Variants in PKN2 observed in about 807,000 individuals in gnomAD.
The protein encoded by PKN2 is serine/threonine-protein kinase N2.
A neutral mutation model predicts 119.1 loss-of-function variants in PKN2; 38 were observed. That is an observed-to-expected ratio of 0.32 (90% CI 0.25 to 0.42). The LOEUF (loss-of-function observed/expected upper bound fraction) is 0.42. PKN2 is among the 10% of genes least tolerant of loss of function. The pLI is 1.00. For missense variants in PKN2, 850 were observed against 1,165.1 expected (o/e 0.73, Z 3.94); for synonymous variants, 390 against 384.9 (o/e 1.01, Z -0.15).
Position 88,788,213 on chromosome 1 carries a change from G to C in PKN2, c.1281+2000G>C, listed in dbSNP as rs76011112. Among the ~76,000 whole-genome samples, 817 of 152,224 alleles carry C rather than the reference G, an allele frequency of 5.4e-3. 28 individuals carry two copies. The East Asian group carries it at 0.089, about 17-fold the overall frequency. ...TCTAGAAATGATCTAGATCTAGAAT[G>C]ATCTAGAAAAATTCAAATTATGTTC... On this transcript the variant is annotated intron_variant, in intron 8 of 21. Transcript: ENST00000370521.
intron 2 of PKN2, among the ~76,000 whole-genome samples, chr1:88,742,625 AAAT>A (rs1175084913): frequency 2.6e-5 from 4 of 152,150 alleles, no homozygotes; most frequent in Admixed American, 2.6e-4. Flanking sequence ...TTATAAATGG[AAAT>A]AATGTATTAT....
At chr1:88,718,095 A>G (rs1667527724) in intron 1 of PKN2, among the ~76,000 whole-genome samples, 1 of 152,232 alleles carries the variant, frequency 6.6e-6, no homozygotes, top group Admixed American at 6.5e-5. Context: ...GGTCCACTCC[A>G]GACCCTGTTT....
chr1:88,716,154 AAGAC>A (rs1296338304), intron 1 of PKN2, among the ~76,000 whole-genome samples: 2 of 152,070 alleles, frequency 1.3e-5, no homozygotes, highest in African/African-American at 4.8e-5. Flanking sequence ...TGTGGTCTGA[AAGAC>A]AGTTCGTTAT....
intron 2 of PKN2, among the ~76,000 whole-genome samples, chr1:88,744,747 TA>T (rs1668706559): frequency 1.3e-5 from 2 of 152,202 alleles, no homozygotes; most frequent in Admixed American, 1.3e-4. Context: ...TTCACCTCTG[TA>T]ATAATAATCT....
chr1:88,729,988 C>G (rs1389894293), intron 1 of PKN2, among the ~76,000 whole-genome samples: 1 of 152,020 alleles, frequency 6.6e-6, no homozygotes, highest in Non-Finnish European at 1.5e-5. Flanking sequence ...CACAGTGAAA[C>G]CCCGTCTCTA....
intron 1 of PKN2, among the ~76,000 whole-genome samples, chr1:88,731,165 T>C (rs1038333385): frequency 7.2e-5 from 11 of 152,240 alleles, no homozygotes; most frequent in Non-Finnish European, 5.9e-5. Flanking sequence ...TTTTAAACCT[T>C]GTATGATAGG....
chr1:88,821,508 C>G (rs772425389), intron 16 of PKN2, among the ~76,000 whole-genome samples: 17 of 152,206 alleles, frequency 1.1e-4, no homozygotes, highest in Admixed American at 4.6e-4. Context: ...TACTTCGTCC[C>G]CAGATACACC....
intron 16 of PKN2, among the ~76,000 whole-genome samples, chr1:88,816,547 A>G (rs969839363): frequency 2.6e-5 from 4 of 152,188 alleles, no homozygotes; most frequent in African/African-American, 9.6e-5. Context: ...ACACCTGGCC[A>G]TCTTAAGCAA....
intron 1 of PKN2, among the ~76,000 whole-genome samples, chr1:88,710,961 T>C (rs758914440): frequency 2.0e-5 from 3 of 152,182 alleles, no homozygotes; most frequent in Non-Finnish European, 4.4e-5. Flanking sequence ...TGGAATACTA[T>C]GCAGCCATAA....
At chr1:88,721,534 A>G (rs931684392) in intron 1 of PKN2, among the ~76,000 whole-genome samples, 2 of 152,164 alleles carry the variant, frequency 1.3e-5, no homozygotes, top group African/African-American at 4.8e-5. Context: ...AAAAAGTGTG[A>G]GTACAAATAG....
intron 3 of PKN2, among the ~76,000 whole-genome samples, chr1:88,763,408 G>T (rs969838804): frequency 1.3e-5 from 2 of 152,096 alleles, no homozygotes; most frequent in Admixed American, 6.5e-5. Context: ...GGGAGTTAGA[G>T]ACCAGCCTGA....
intron 16 of PKN2, among the ~76,000 whole-genome samples, chr1:88,819,834 A>C (rs886802829): frequency 6.6e-6 from 1 of 152,166 alleles, no homozygotes; most frequent in African/African-American, 2.4e-5. Context: ...AGCCATAAAA[A>C]ATGATGAGTT....
At chr1:88,800,923 A>G (rs1055817439) in intron 8 of PKN2, among the ~76,000 whole-genome samples, 15 of 152,170 alleles carry the variant, frequency 9.9e-5, no homozygotes, top group African/African-American at 3.4e-4. Context: ...GACAGTACCT[A>G]TCTCAACTTG....
At chr1:88,784,866 G>A (rs1670509031) in intron 7 of PKN2, 42 bp downstream of exon 7, 1 of 1,254,918 alleles carries the variant, frequency 8.0e-7, no homozygotes. Flanking sequence ...ACAAACTAAA[G>A]TGCTTATACA....
chr1:88,776,592 T>C (rs1006818565), intron 6 of PKN2, among the ~76,000 whole-genome samples: 1 of 151,768 alleles, frequency 6.6e-6, no homozygotes. Context: ...ATACAGAAAT[T>C]AGCCAGGCAT....
intron 1 of PKN2, among the ~76,000 whole-genome samples, chr1:88,707,035 A>G (rs1016033976): frequency 6.6e-6 from 1 of 150,928 alleles, no homozygotes; most frequent in African/African-American, 2.4e-5. Context: ...TTCAGCTGGG[A>G]GGGTAAATCT....
intron 2 of PKN2, among the ~76,000 whole-genome samples, chr1:88,748,333 A>G (rs1359133670): frequency 1.3e-5 from 2 of 152,194 alleles, no homozygotes; most frequent in Non-Finnish European, 2.9e-5. Context: ...TGCCATGTAC[A>G]TAGAATTATA....
At chr1:88,742,785 G>A (rs1668625987) in intron 2 of PKN2, among the ~76,000 whole-genome samples, 1 of 152,034 alleles carries the variant, frequency 6.6e-6, no homozygotes, top group Non-Finnish European at 1.5e-5. Context: ...TTTATTTAGA[G>A]AAATTTTCCT....
chr1:88,778,377 T>C (rs547169843), intron 6 of PKN2, among the ~76,000 whole-genome samples: 1 of 152,392 alleles, frequency 6.6e-6, no homozygotes, highest in South Asian at 2.1e-4. Flanking sequence ...GGCCCTGTGC[T>C]TGAGCACTCA....
Sources: gnomAD v4.1 joint callset for allele counts (sites outside exome capture counted in the v4.1 genomes callset) on GRCh38, gnomAD v4.1.1 for gene constraint, MANE v1.5 for transcripts, NCBI Gene and HGNC (gene_info 2026-07-23, HGNC 2026-07-21) for gene names.